SEMA5A: variants seen among roughly 807,000 people sequenced by gnomAD.
SEMA5A encodes semaphorin 5A.
Under a neutral mutation model 135.5 loss-of-function variants are expected in SEMA5A, and 55 were observed. That is an observed-to-expected ratio of 0.41 (90% CI 0.33 to 0.51). The LOEUF (loss-of-function observed/expected upper bound fraction) is 0.51, where lower values mean the gene tolerates loss of function less well. Ranked by LOEUF, SEMA5A falls within the 20% of genes least tolerant of loss-of-function variation. The pLI is 0.37. For synonymous variants in SEMA5A, 580 were observed against 546.5 expected, an observed-to-expected ratio of 1.06 and a Z score of -0.85; for missense variants, 1,290 against 1,419.9, an observed-to-expected ratio of 0.91 and a Z score of 1.47.
intron 2 of SEMA5A, among the ~76,000 whole-genome samples, chr5:9,400,507 T>TACTGAAATGCACCAGCTCTCCAGATAGC (rs1579479253): frequency 9.4e-6 from 1 of 106,304 alleles, no homozygotes; most frequent in South Asian, 3.1e-4. Context: ...GTACATTTTT[T>TACTGAAATGCACCAGCTCTCCAGATAGC]TTTTTTTTTT....
intron 16 of SEMA5A, among the ~76,000 whole-genome samples, chr5:9,066,907 G>A (rs1409886576): frequency 1.3e-5 from 2 of 152,136 alleles, no homozygotes; most frequent in Admixed American, 1.3e-4. Context: ...TTAATTGCTT[G>A]TGGGAAAAAA....
chr5:9,365,117 C>T (rs2126402163), intron 3 of SEMA5A, among the ~76,000 whole-genome samples: 1 of 152,232 alleles, frequency 6.6e-6, no homozygotes, highest in South Asian at 2.1e-4. Context: ...TTTCTGTGGG[C>T]AGATGCATTA....
intron 4 of SEMA5A, among the ~76,000 whole-genome samples, chr5:9,323,726 A>G (rs998019749): frequency 7.5e-6 from 1 of 132,944 alleles, no homozygotes; most frequent in Non-Finnish European, 1.5e-5. Context: ...CAATGGCATG[A>G]TCTCGACTCA....
chr5:9,330,722 AG>A (rs1380274792), intron 4 of SEMA5A, among the ~76,000 whole-genome samples: 1 of 152,216 alleles, frequency 6.6e-6, no homozygotes, highest in Non-Finnish European at 1.5e-5. Flanking sequence ...ATTAGAAGAA[AG>A]GGGAGAACAA....
intron 3 of SEMA5A, among the ~76,000 whole-genome samples, chr5:9,353,729 A>G (rs1226834629): frequency 6.6e-6 from 1 of 152,196 alleles, no homozygotes; most frequent in Non-Finnish European, 1.5e-5. Flanking sequence ...TCACAAGTTG[A>G]GTATTTTCTA....
chr5:9,461,902 A>G (rs1286087148), intron 1 of SEMA5A, among the ~76,000 whole-genome samples: 3 of 152,170 alleles, frequency 2.0e-5, no homozygotes, highest in African/African-American at 7.2e-5. Context: ...GGGGACTTCC[A>G]CTCTGTCCTA....
At position 9,190,425 on chromosome 5, in the gene SEMA5A, T is replaced by C. The variant is rs760502730; in HGVS notation, c.1115A>G (p.Asn372Ser). 7 of 1,613,758 alleles carry C rather than the reference T, an allele frequency of 4.3e-6. No individual in the cohort carries two copies. The highest frequency in any genetic ancestry group is 5.9e-6 in the Non-Finnish European group (7 of 1,180,010). ...QGLYVNLTER[N>S]LQDAQKFILM... is the part of the protein sequence containing the mutation. ...AATGAACTTCTGAGCATCCTGCAGA[T>C]TTCTCTCGGTCAGGTTCACGTACAG... is the stretch of plus-strand genomic sequence containing the variant. Residue 372 changes from asparagine to serine, a missense_variant, in exon 11 of 23, where the codon AAT becomes AGT. Physicochemically the swap from Asn to Ser is conservative, Grantham distance 46. This residue lies in a region of SEMA5A where 1,029 missense variants were observed against 1,086.6 expected (regional missense o/e 0.95). Transcript: ENST00000382496.
At chr5:9,193,793 G>A (rs531881278) in intron 10 of SEMA5A, among the ~76,000 whole-genome samples, 5 of 152,314 alleles carry the variant, frequency 3.3e-5, no homozygotes, top group African/African-American at 1.2e-4. Flanking sequence ...AGATACTTGG[G>A]AGGCTGAGGC....
rs548666180 is a variant in SEMA5A at position 9,416,192 on chromosome 5, C to T, written c.-78+21564G>A. ...ATAAACTGACTCTCAATTCCCCCAACCTTTACTCAAGAAATTGGATTTTAT... is the reference window on the plus strand; with the variant it reads ...ATAAACTGACTCTCAATTCCCCCAATCTTTACTCAAGAAATTGGATTTTAT... On this transcript the variant is annotated intron_variant, in intron 2 of 22. Coordinates refer to ENST00000382496, the MANE Select transcript of SEMA5A (RefSeq NM_003966.3). Among the ~76,000 whole-genome samples the T allele has an allele frequency of 4.6e-5, 7 of 152,188 alleles. No homozygotes were observed. In the South Asian group the frequency reaches 1.4e-3, roughly 32 times the overall value.
chr5:9,387,618 T>C (rs1424233174), intron 2 of SEMA5A, among the ~76,000 whole-genome samples: 1 of 152,202 alleles, frequency 6.6e-6, no homozygotes, highest in Non-Finnish European at 1.5e-5. Flanking sequence ...TGTTCAGGCC[T>C]AGAAGGAATG....
chr5:9,367,833 C>G (rs768923161), intron 3 of SEMA5A, among the ~76,000 whole-genome samples: 5 of 152,118 alleles, frequency 3.3e-5, no homozygotes, highest in Non-Finnish European at 7.3e-5. Flanking sequence ...CCCTCTTTGC[C>G]GAAATGAGTT....
chr5:9,100,612 C>T (rs1739574103), intron 16 of SEMA5A, among the ~76,000 whole-genome samples: 1 of 152,200 alleles, frequency 6.6e-6, no homozygotes, highest in Non-Finnish European at 1.5e-5. Context: ...GTCATCCTCT[C>T]CACCTGCTGC....
At chr5:9,178,730 G>A (rs943969248) in intron 11 of SEMA5A, among the ~76,000 whole-genome samples, 1 of 152,200 alleles carries the variant, frequency 6.6e-6, no homozygotes, top group Non-Finnish European at 1.5e-5. Flanking sequence ...AAATGATATG[G>A]ATGAAGATGG....
At chr5:9,362,155 GC>G (rs1561186793) in intron 3 of SEMA5A, among the ~76,000 whole-genome samples, 1 of 152,118 alleles carries the variant, frequency 6.6e-6, no homozygotes. Context: ...GCTCACTGTA[GC>G]TTCCGGATTC....
At chr5:9,219,181 G>T (rs1351976492) in intron 8 of SEMA5A, among the ~76,000 whole-genome samples, 2 of 152,218 alleles carry the variant, frequency 1.3e-5, no homozygotes, top group Non-Finnish European at 2.9e-5. Context: ...TGGCTATTCT[G>T]TGGAGAGTGG....
intron 13 of SEMA5A, among the ~76,000 whole-genome samples, chr5:9,133,296 T>A (rs537083376): frequency 5.3e-5 from 8 of 152,210 alleles, no homozygotes; most frequent in Non-Finnish European, 8.8e-5. Flanking sequence ...TAGAAAGAGA[T>A]GTATAGTTAG....
chr5:9,066,446 G>T lies in SEMA5A; in HGVS notation c.2274C>A (p.Asp758Glu), dbSNP rs761664666. The stretch of plus-strand genomic sequence containing the variant: ...CATCTGTGGAGCAGCCACTGGTGCC[G>T]TCGCTAGAACAGTACCGCATTTCGA... Reference protein sequence around the residue: ...QRIEMRYCSSDGTSGCSTDGL... With the variant: ...QRIEMRYCSSEGTSGCSTDGL... The change falls in exon 17 of 23, where the codon GAC (aspartate) becomes GAA (glutamate). Residue 758 changes from aspartate (D) to glutamate (E), a missense_variant. Around this residue, in one of 3 missense-constraint regions of SEMA5A, gnomAD observed 1,029 missense variants for 1,086.6 expected, o/e 0.95. Transcript: ENST00000382496. The T allele has an allele frequency of 6.2e-7, 1 of 1,614,216 alleles. No individual in the cohort carries two copies. The highest frequency in any genetic ancestry group is 1.1e-5 in the South Asian group (1 of 91,080).
intron 13 of SEMA5A, among the ~76,000 whole-genome samples, chr5:9,135,281 C>A (rs113334166): frequency 6.6e-6 from 1 of 150,498 alleles, no homozygotes; most frequent in Non-Finnish European, 1.5e-5. Flanking sequence ...CCCGAGTTCA[C>A]GCCATTCTCC....
Position 9,185,130 on chromosome 5 carries a change from G to A in SEMA5A, c.1273+5137C>T, listed in dbSNP as rs567344741. ...GTTTGTAGATGTGCAGTTCCACTAT[G>A]TTGTCCATGCTGGTCTCAAACTTCT... On this transcript the variant is annotated intron_variant, in intron 11 of 22. Transcript: ENST00000382496. Among the ~76,000 whole-genome samples, 4 of 152,270 alleles carry A rather than the reference G, an allele frequency of 2.6e-5. No individual in the cohort carries two copies. The South Asian group carries it at 8.3e-4, about 32-fold the overall frequency.
Sources: allele counts gnomAD v4.1 joint callset (sites outside exome capture counted in the v4.1 genomes callset), GRCh38; gene constraint gnomAD v4.1.1; regional missense constraint gnomAD v4.1.1; transcripts MANE v1.5; gene names NCBI Gene and HGNC (gene_info 2026-07-23, HGNC 2026-07-21).